The following BCL11A variants were observed in gnomAD, a reference collection of about 807,000 sequenced individuals.
BCL11A encodes the protein B cell CLL/lymphoma 11A.
Under a neutral mutation model 55.9 loss-of-function variants are expected in BCL11A, and 2 were observed. The ratio of observed to expected loss-of-function variants is 0.04; its 90% CI spans 0.01 to 0.11. BCL11A has a LOEUF of 0.11. Ranked by LOEUF, BCL11A falls within the 10% of genes least tolerant of loss-of-function variation. BCL11A has a pLI of 1.00. For synonymous variants in BCL11A, 465 were observed against 473.4 expected, an observed-to-expected ratio of 0.98 and a Z score of 0.23; for missense variants, 817 against 1,137.1, an observed-to-expected ratio of 0.72 and a Z score of 4.05.
chr2:60,491,593 C>T (rs1678635492), intron 2 of BCL11A, among the ~76,000 whole-genome samples: 1 of 151,770 alleles, frequency 6.6e-6, no homozygotes, highest in South Asian at 2.1e-4. Flanking sequence ...ATCGCTTGAA[C>T]CTGGGAGGCA....
chr2:60,551,549 G>C (rs1417190255), intron 1 of BCL11A, among the ~76,000 whole-genome samples: 1 of 152,270 alleles, frequency 6.6e-6, no homozygotes. Context: ...CTGTGGACAA[G>C]AGACGTCTGA....
chr2:60,545,165 CAA>C (rs1670091629), intron 2 of BCL11A: 1 of 152,260 alleles, frequency 6.6e-6, no homozygotes, highest in Admixed American at 6.5e-5. Context: ...ACATCAGAGA[CAA>C]GAGAGAGCAC....
chr2:60,457,952 C>CTT lies in BCL11A; in HGVS notation c.*2450_*2451dup, dbSNP rs373340401. On this transcript the variant is annotated 3_prime_UTR_variant, in exon 4 of 4. Transcript: ENST00000642384. ...TAATGTCACACTTTTTTGTTTCTCT[C>CTT]TTTTTTTTTTTTTTGAAGCATACAA... is the stretch of plus-strand genomic sequence containing the variant. 1.1e-4 allele frequency: 97 copies of CTT among 916,286 alleles called. No individual in the cohort carries two copies. The highest frequency in any genetic ancestry group is 2.7e-4 in the East Asian group (4 of 14,822). The allele number at this position is 916,286 out of a possible 1,614,324, so 56.8% of individuals were successfully genotyped here.
chr2:60,465,708 TA>T (rs1180061073), intron 3 of BCL11A, among the ~76,000 whole-genome samples: 1 of 152,186 alleles, frequency 6.6e-6, no homozygotes, highest in African/African-American at 2.4e-5. Flanking sequence ...AAAATGAGCA[TA>T]AAAACAGTAC....
intron 2 of BCL11A, chr2:60,526,951 C>G (rs1159512610): frequency 1.3e-5 from 2 of 152,232 alleles, no homozygotes; most frequent in Non-Finnish European, 2.9e-5. Flanking sequence ...ACATTTCAAT[C>G]AGGTTGAAGT....
chr2:60,463,712 C>T (rs983730371), intron 3 of BCL11A, among the ~76,000 whole-genome samples: 5 of 151,754 alleles, frequency 3.3e-5, no homozygotes, highest in African/African-American at 4.8e-5. Flanking sequence ...AACTGACCAA[C>T]AGTTTACTAG....
At chr2:60,467,184 TGGTG>T in intron 3 of BCL11A, among the ~76,000 whole-genome samples, 1 of 142,660 alleles carries the variant, frequency 7.0e-6, no homozygotes, top group Admixed American at 6.9e-5. Flanking sequence ...GTGGTGGTGG[TGGTG>T]ATGGTGGTGG....
At chr2:60,483,269 G>A (rs1260117467) in intron 2 of BCL11A, among the ~76,000 whole-genome samples, 1 of 152,160 alleles carries the variant, frequency 6.6e-6, no homozygotes, top group Non-Finnish European at 1.5e-5. Context: ...GTAGAGAAAT[G>A]GTCTTGACAA....
At chr2:60,476,988 CAT>C (rs1478765825) in intron 2 of BCL11A, among the ~76,000 whole-genome samples, 1 of 152,190 alleles carries the variant, frequency 6.6e-6, no homozygotes, top group Admixed American at 6.5e-5. Flanking sequence ...CTGCCCTGAA[CAT>C]ATTTCTGTCA....
chr2:60,519,996 G>A (rs1198821058), intron 2 of BCL11A, among the ~76,000 whole-genome samples: 1 of 152,156 alleles, frequency 6.6e-6, no homozygotes, highest in African/African-American at 2.4e-5. Context: ...TCACTGGCAA[G>A]CAATTATTGT....
At position 60,546,387 on chromosome 2, in the gene BCL11A, A is replaced by G. The variant is rs775840924; in HGVS notation, c.56-87T>C. On this transcript the variant is annotated intron_variant, in intron 1 of 3. Transcript: ENST00000642384. The surrounding 1 kb of genome is among the most constrained non-coding windows in gnomAD (Gnocchi z 4.1). ...GCACATCTCAACCCCATGCCATCCC[A>G]CCACATCATGTAAAGTGTTTCTAGG... is the stretch of plus-strand genomic sequence containing the variant. 3.0e-5 allele frequency: 33 copies of G among 1,095,088 alleles called. No homozygotes were observed. Among genetic ancestry groups the G allele is most frequent in the Non-Finnish European group, 4.0e-5 (30 of 751,800 alleles). The allele number at this position is 1,095,088 out of a possible 1,614,324, so 67.8% of individuals were successfully genotyped here.
At chr2:60,550,776 C>A in intron 1 of BCL11A, 1 of 398,802 alleles carries the variant, frequency 2.5e-6, no homozygotes, top group South Asian at 1.3e-4. Flanking sequence ...CTGCGCGCCC[C>A]GGTCTGTCCT....
At chr2:60,518,443 T>C (rs549784257) in intron 2 of BCL11A, among the ~76,000 whole-genome samples, 1 of 152,366 alleles carries the variant, frequency 6.6e-6, no homozygotes, top group Non-Finnish European at 1.5e-5. Flanking sequence ...TTCAGGATTA[T>C]GCCTGTAAGA....
chr2:60,467,602 G>A, intron 3 of BCL11A, among the ~76,000 whole-genome samples: 1 of 82,748 alleles, frequency 1.2e-5, no homozygotes, highest in Admixed American at 1.1e-4. Context: ...TGATGGTGGT[G>A]GTGGTGGTAG....
downstream of BCL11A, chr2:60,451,039 C>T (rs932263289): frequency 5.6e-6 from 1 of 177,174 alleles, no homozygotes; most frequent in African/African-American, 2.4e-5. Context: ...TGGCCTCTGG[C>T]AAGCCCTTAA....
Position 60,459,739 on chromosome 2 carries a change from A to G in BCL11A, c.*665T>C. 6.7e-6 allele frequency: 7 copies of G among 1,039,478 alleles called. No individual in the cohort carries two copies. The highest frequency in any genetic ancestry group is 8.1e-6 in the Non-Finnish European group (7 of 862,692). 64.4% of individuals were successfully genotyped at this position (1,039,478 alleles called of 1,614,324 possible). ...GTTCTGTTTTTCTGTTAATTTGTCA[A>G]TTCAAGGCCTTTTTTCTTCCTTTCC... On this transcript the variant is annotated 3_prime_UTR_variant, in exon 4 of 4. Coordinates refer to ENST00000642384, the MANE Select transcript of BCL11A (RefSeq NM_022893.4).
At chr2:60,514,585 T>C (rs1395191324) in intron 2 of BCL11A, among the ~76,000 whole-genome samples, 4 of 151,076 alleles carry the variant, frequency 2.6e-5, no homozygotes, top group African/African-American at 9.7e-5. Context: ...GGAGAATCAC[T>C]TGAACCTGGG....
At chr2:60,506,244 AGCTAGG>A (rs1558651764) in intron 2 of BCL11A, among the ~76,000 whole-genome samples, 1 of 152,256 alleles carries the variant, frequency 6.6e-6, no homozygotes, top group Non-Finnish European at 1.5e-5. Flanking sequence ...GGGAGGCAGC[AGCTAGG>A]GCTCTGGCCT....
intron 2 of BCL11A, among the ~76,000 whole-genome samples, chr2:60,511,891 G>A (rs1222194851): frequency 6.6e-6 from 1 of 152,146 alleles, no homozygotes; most frequent in African/African-American, 2.4e-5. Context: ...AAAATGATGA[G>A]GTGCTTCCTC....
Sources: gnomAD v4.1 joint callset for allele counts (sites outside exome capture counted in the v4.1 genomes callset) on GRCh38, gnomAD v4.1.1 for gene constraint, Gnocchi (gnomAD v3.1) non-coding constraint, MANE v1.5 for transcripts, NCBI Gene and HGNC (gene_info 2026-07-23, HGNC 2026-07-21) for gene names.